The following TMEM9B variants were observed in gnomAD, a reference collection of about 807,000 sequenced individuals.
TMEM9B encodes transmembrane protein 9B.
A neutral mutation model predicts 23.5 loss-of-function variants in TMEM9B; 8 were observed. That is an observed-to-expected ratio of 0.34 (90% CI 0.20 to 0.61). The LOEUF (loss-of-function observed/expected upper bound fraction) is 0.61, where lower values mean the gene tolerates loss of function less well. Among genes scored for constraint, TMEM9B ranks in the 20% least tolerant of loss-of-function variants. The pLI, the probability that TMEM9B is intolerant of heterozygous loss-of-function variation, is 0.78. For missense variants in TMEM9B, 197 were observed against 252.3 expected (o/e 0.78, Z 1.49); for synonymous variants, 106 against 96.3 (o/e 1.10, Z -0.59).
At chr11:8,951,617 G>A (rs889903352) in intron 4 of TMEM9B, among the ~76,000 whole-genome samples, 3 of 151,792 alleles carry the variant, frequency 2.0e-5, no homozygotes, top group Non-Finnish European at 4.4e-5. Context: ...AATTAGCCGG[G>A]CGCGATGGCG....
upstream of TMEM9B, chr11:8,964,720 G>C (rs945633868): frequency 1.6e-5 from 3 of 183,584 alleles, no homozygotes; most frequent in Non-Finnish European, 3.4e-5. Context: ...AGCAAACTCC[G>C]AGTGTCACAC....
chr11:8,958,682 C>A (rs1854018625), intron 2 of TMEM9B, among the ~76,000 whole-genome samples: 1 of 150,644 alleles, frequency 6.6e-6, no homozygotes, highest in African/African-American at 2.4e-5. Context: ...AGTGATTCTC[C>A]TGCCTCAGCC....
Position 8,964,247 on chromosome 11 carries a change from A to T in TMEM9B, c.67T>A (p.Ser23Thr). 6.3e-7 allele frequency: 1 copy of T among 1,596,266 alleles called. No individual in the cohort carries two copies. The highest frequency in any genetic ancestry group is 8.5e-7 in the Non-Finnish European group (1 of 1,172,270). Residue 23 changes from serine to threonine, a missense_variant, in exon 1 of 5, where the codon TCC becomes ACC. By Grantham distance (58) the Ser-to-Thr change is moderately conservative. Transcript: ENST00000534025. The stretch of plus-strand genomic sequence containing the variant: ...GACAGCTGCGCCAGCAGCAGCACGG[A>T]AAGCGCCAGGCACGACAGGCTGAGC... ...SLLSLSCLAL[S>T]VLLLAQLSDA...
chr11:8,958,546 G>A (rs1055404739), intron 2 of TMEM9B, among the ~76,000 whole-genome samples: 3 of 150,732 alleles, frequency 2.0e-5, no homozygotes, highest in East Asian at 2.0e-4. Flanking sequence ...TAACCAAAAC[G>A]GTATATGATA....
Position 8,948,089 on chromosome 11 carries a change from A to G in TMEM9B, c.*231T>C. The G allele has an allele frequency of 2.5e-6, 1 of 399,340 alleles. No homozygotes were observed. Among genetic ancestry groups the G allele is most frequent in the Non-Finnish European group, 4.4e-6 (1 of 226,060 alleles). The allele number at this position is 399,340 out of a possible 1,614,324, so 24.7% of individuals were successfully genotyped here. ...AGATTTATTTTTATTAGTAAAAGTC[A>G]CAAATAGGAAAAGACTTATTGGCTG... On this transcript the variant is annotated 3_prime_UTR_variant, in exon 5 of 5. Transcript: ENST00000534025.
At chr11:8,961,697 C>T (rs181684950) in intron 2 of TMEM9B, among the ~76,000 whole-genome samples, 4 of 152,370 alleles carry the variant, frequency 2.6e-5, no homozygotes, top group East Asian at 1.9e-4. Flanking sequence ...CTTGGCAATA[C>T]ATCATCAAAA....
chr11:8,950,595 T>A (rs1853856617), intron 4 of TMEM9B, among the ~76,000 whole-genome samples: 1 of 152,238 alleles, frequency 6.6e-6, no homozygotes, highest in African/African-American at 2.4e-5. Context: ...GAGATTGAAC[T>A]AGCTGCTCAT....
intron 2 of TMEM9B, among the ~76,000 whole-genome samples, chr11:8,958,733 G>A (rs113429100): frequency 2.6e-5 from 4 of 151,492 alleles, no homozygotes; most frequent in East Asian, 2.0e-4. Context: ...TACCATGCCC[G>A]ACTAATTTTG....
intron 4 of TMEM9B, chr11:8,952,702 C>A (rs1853907851): frequency 1.0e-5 from 2 of 191,608 alleles, no homozygotes; most frequent in Admixed American, 1.1e-4. Context: ...TATGCCCCCA[C>A]ACCTGGCCCA....
upstream of TMEM9B, chr11:8,964,530 T>C: frequency 2.2e-6 from 3 of 1,353,150 alleles, no homozygotes; most frequent in South Asian, 4.9e-5. Context: ...GCCGGGAGGC[T>C]GGGCAGTCCT....
upstream of TMEM9B, chr11:8,964,457 C>T: frequency 2.8e-6 from 4 of 1,422,592 alleles, no homozygotes; most frequent in Non-Finnish European, 3.7e-6. Flanking sequence ...GCGAAGGCGT[C>T]ACCGGGCGCG....
chr11:8,963,667 T>C (rs1045665073), intron 1 of TMEM9B, among the ~76,000 whole-genome samples: 6 of 152,040 alleles, frequency 3.9e-5, no homozygotes, highest in African/African-American at 7.2e-5. Flanking sequence ...GTAGGCCCTA[T>C]TGGGAGGGAA....
chr11:8,963,562 C>G (rs769311144), intron 1 of TMEM9B, among the ~76,000 whole-genome samples: 3 of 152,184 alleles, frequency 2.0e-5, no homozygotes, highest in Non-Finnish European at 2.9e-5. Context: ...TCTTCCCTTA[C>G]CCACTAAATT....
At chr11:8,953,522 A>G (rs1853920745) in intron 3 of TMEM9B, among the ~76,000 whole-genome samples, 185 bp from the exon 4 acceptor site, 1 of 152,144 alleles carries the variant, frequency 6.6e-6, no homozygotes, top group African/African-American at 2.4e-5. Context: ...AAGAGGAAAG[A>G]TCTTTGGGAT....
At position 8,947,695 on chromosome 11, in the gene TMEM9B, T is replaced by G. The variant is rs1217475244; in HGVS notation, c.*625A>C. The G allele has an allele frequency of 6.5e-6, 1 of 152,702 alleles. No homozygotes were observed. The highest frequency in any genetic ancestry group is 1.5e-5 in the Non-Finnish European group (1 of 68,108). The allele number at this position is 152,702 out of a possible 1,614,324, so 9.5% of individuals were successfully genotyped here. A position where few individuals can be genotyped will look rare whatever the true frequency, so the allele number is the denominator to read the frequency against. ...GTACATGAAGAAAATCTGCTTTTTG[T>G]GAAAAGCCACCAGGCATTTTAGATC... On this transcript the variant is annotated 3_prime_UTR_variant, in exon 5 of 5. Coordinates refer to ENST00000534025, the MANE Select transcript of TMEM9B (RefSeq NM_020644.3).
At chr11:8,951,684 G>T (rs1282450862) in intron 4 of TMEM9B, among the ~76,000 whole-genome samples, 1 of 151,760 alleles carries the variant, frequency 6.6e-6, no homozygotes, top group Non-Finnish European at 1.5e-5. Flanking sequence ...CGTGAACCCG[G>T]GAGGCGGAGC....
Position 8,964,327 on chromosome 11 carries a change from G to A in TMEM9B, c.-14C>T. The A allele has an allele frequency of 6.4e-7, 1 of 1,556,884 alleles. No individual in the cohort carries two copies. The highest frequency in any genetic ancestry group is 8.7e-7 in the Non-Finnish European group (1 of 1,151,566). On this transcript the variant is annotated 5_prime_UTR_variant, in exon 1 of 5. Transcript: ENST00000534025. The stretch of plus-strand genomic sequence containing the variant: ...CAGGGTCGCCATCGCTGGGGGCCCA[G>A]CGGTCCCACAGCCCGGAGCCCCCGC...
chr11:8,948,755 C>CAAGCA (rs1853822962), intron 4 of TMEM9B, among the ~76,000 whole-genome samples: 1 of 152,070 alleles, frequency 6.6e-6, no homozygotes, highest in South Asian at 2.1e-4. Flanking sequence ...AAGTGGAGAC[C>CAAGCA]AAGCAAAAGA....
In TMEM9B at chr11:8,956,301, G is replaced by A. The variant is rs1566123485; in HGVS notation, c.198-3C>T. 6.2e-6 allele frequency: 10 copies of A among 1,611,610 alleles called. No homozygotes were observed. Among genetic ancestry groups the A allele is most frequent in the South Asian group, 1.1e-5 (1 of 90,974 alleles). ...GCTCCACAACATGAAGGCAATCACTGAAAAAACAAAGATAAAATGCTGCTT... is the reference window on the plus strand; with the variant it reads ...GCTCCACAACATGAAGGCAATCACTAAAAAAACAAAGATAAAATGCTGCTT... On this transcript the variant is annotated splice_polypyrimidine_tract_variant and splice_region_variant and intron_variant, in intron 2 of 4. Coordinates refer to ENST00000534025, the MANE Select transcript of TMEM9B (RefSeq NM_020644.3).
Sources: gnomAD v4.1 joint callset for allele counts (sites outside exome capture counted in the v4.1 genomes callset) on GRCh38, gnomAD v4.1.1 for gene constraint, MANE v1.5 for transcripts, NCBI Gene and HGNC (gene_info 2026-07-23, HGNC 2026-07-21) for gene names.